The following TRIP12 variants were observed in gnomAD, a reference collection of about 807,000 sequenced individuals.
TRIP12 encodes E3 ubiquitin-protein ligase TRIP12.
TRIP12 carries 25 observed loss-of-function variants against 244.2 expected under a neutral mutation model. The ratio of observed to expected loss-of-function variants is 0.10; its 90% CI spans 0.07 to 0.14. TRIP12 has a LOEUF of 0.14. Ranked by LOEUF, TRIP12 falls within the 10% of genes least tolerant of loss-of-function variation. The pLI is 1.00. For synonymous variants in TRIP12, 905 were observed against 873.1 expected (o/e 1.04, Z -0.64); for missense variants, 1,677 against 2,486.4 (o/e 0.67, Z 6.92).
chr2:229,804,778 G>A (rs537102757), intron 18 of TRIP12, among the ~76,000 whole-genome samples: 2 of 152,316 alleles, frequency 1.3e-5, no homozygotes, highest in East Asian at 3.9e-4. Context: ...TTAGAACGCA[G>A]CCATGTACAT....
chr2:229,871,725 A>T (rs1012461905), intron 2 of TRIP12, among the ~76,000 whole-genome samples: 7 of 152,364 alleles, frequency 4.6e-5, no homozygotes, highest in African/African-American at 1.7e-4. Context: ...GAAGCCTAAT[A>T]TAATTTGAAA....
rs929201806 is a variant in TRIP12 at position 229,896,666 on chromosome 2, A to G, written c.-49-16538T>C. Among the ~76,000 whole-genome samples the G allele has an allele frequency of 2.6e-5, 4 of 152,332 alleles. No individual in the cohort carries two copies. In the South Asian group the frequency reaches 8.3e-4, roughly 32 times the overall value. ...TTATGAAGGCAACAAATCAGAAAAT[A>G]AAATGAAGTAAAACTCCATCTCTAG... On this transcript the variant is annotated intron_variant, in intron 1 of 41. Transcript: ENST00000675903.
At chr2:229,800,416 T>C in intron 21 of TRIP12, among the ~76,000 whole-genome samples, 1 of 151,908 alleles carries the variant, frequency 6.6e-6, no homozygotes, top group Admixed American at 6.6e-5. Context: ...CTGAAAAATG[T>C]TGTGGTTTAG....
chr2:229,773,681 C>A (rs1282963905), intron 38 of TRIP12: 1 of 158,902 alleles, frequency 6.3e-6, no homozygotes, highest in Non-Finnish European at 1.4e-5. Flanking sequence ...AGCCACTGCA[C>A]CTCGCCCATA....
At chr2:229,793,261 G>A in intron 26 of TRIP12, 116 bp from the exon 27 acceptor site, 2 of 1,000,448 alleles carry the variant, frequency 2.0e-6, no homozygotes, top group Non-Finnish European at 1.4e-6. Flanking sequence ...CTAGTACTAA[G>A]CATTTACTTA....
chr2:229,837,026 AC>A (rs770307065), intron 5 of TRIP12, 42 bp from the exon 6 acceptor site: 1 of 1,473,698 alleles, frequency 6.8e-7, no homozygotes, highest in East Asian at 2.6e-5. Flanking sequence ...TTACCAGTGA[AC>A]CAGGAGCAAT....
At position 229,867,171 on chromosome 2, in the gene TRIP12, G is replaced by GTTTTTTTT. The variant is rs11335613; in HGVS notation, c.99-6648_99-6641dup. 1.1e-4 allele frequency among the ~76,000 whole-genome samples: 14 copies of GTTTTTTTT among 123,534 alleles called. 1 individual carries two copies. The highest frequency in any genetic ancestry group is 2.7e-4 in the African/African-American group (9 of 33,452). The allele number at this position is 123,534 out of a possible 152,430, so 81.0% of individuals were successfully genotyped here. On this transcript the variant is annotated intron_variant, in intron 2 of 41. Transcript: ENST00000675903. Reference sequence around the variant, plus strand: ...AAGGTTTTTTTTTGTTTGTTTGTTTGTTTTTTTTTTTTGAGACAGATACTC... The same window carrying GTTTTTTTT: ...AAGGTTTTTTTTTGTTTGTTTGTTTGTTTTTTTTTTTTTTTTTTTTGAGACAGATACTC...
At chr2:229,777,049 T>C (rs1559328850) in intron 37 of TRIP12, among the ~76,000 whole-genome samples, 3 of 152,196 alleles carry the variant, frequency 2.0e-5, no homozygotes, top group Non-Finnish European at 4.4e-5. Flanking sequence ...ACATAATATG[T>C]CCATCTAAAA....
In TRIP12 at chr2:229,808,389, A is replaced by G; in HGVS notation, c.2222-20T>C. ...CAATGTCTGTAAAAACCAACAACAA[A>G]AAACAAAAGGCTATTAAACTAGTTA... is the stretch of plus-strand genomic sequence containing the variant. On this transcript the variant is annotated intron_variant, in intron 15 of 41. Transcript: ENST00000675903. The G allele has an allele frequency of 6.4e-7, 1 of 1,560,640 alleles. No individual in the cohort carries two copies. The highest frequency in any genetic ancestry group is 8.8e-7 in the Non-Finnish European group (1 of 1,136,484).
chr2:229,869,806 G>C (rs892420553), intron 2 of TRIP12, among the ~76,000 whole-genome samples: 2 of 152,148 alleles, frequency 1.3e-5, no homozygotes, highest in Non-Finnish European at 2.9e-5. Context: ...AAAAGGCTAA[G>C]AGTCAACACA....
intron 1 of TRIP12, among the ~76,000 whole-genome samples, chr2:229,912,119 G>C (rs2074399414): frequency 6.6e-6 from 1 of 152,218 alleles, no homozygotes; most frequent in South Asian, 2.1e-4. Flanking sequence ...GAAGACTTCT[G>C]TGTCCAACAG....
At chr2:229,787,698 G>A in intron 32 of TRIP12, 37 bp from the exon 33 acceptor site, 1 of 1,493,680 alleles carries the variant, frequency 6.7e-7, no homozygotes, top group Non-Finnish European at 9.0e-7. Context: ...TTATCTGGAT[G>A]AGAATCAGAA....
chr2:229,826,728 T>C (rs1254456804), intron 8 of TRIP12, among the ~76,000 whole-genome samples: 2 of 152,186 alleles, frequency 1.3e-5, no homozygotes, highest in African/African-American at 4.8e-5. Flanking sequence ...TACTGAATAC[T>C]ATAGGCAGTT....
At chr2:229,785,968 T>C in intron 33 of TRIP12, 113 bp from the exon 34 acceptor site, 2 of 907,322 alleles carry the variant, frequency 2.2e-6, no homozygotes, top group East Asian at 2.7e-5. Context: ...TTGTTAACAC[T>C]TATTTCCTTA....
chr2:229,895,791 C>T (rs936420387), intron 1 of TRIP12, among the ~76,000 whole-genome samples: 2 of 151,910 alleles, frequency 1.3e-5, no homozygotes, highest in Non-Finnish European at 2.9e-5. Context: ...TCCACAGATG[C>T]GAGGGACCTA....
At chr2:229,795,601 A>T (rs796555504) in intron 25 of TRIP12, among the ~76,000 whole-genome samples, 2 of 152,208 alleles carry the variant, frequency 1.3e-5, no homozygotes, top group African/African-American at 4.8e-5. Flanking sequence ...TGATCCAAAC[A>T]GACATAAGGC....
At chr2:229,773,010 G>A (rs2034995455) in intron 38 of TRIP12, among the ~76,000 whole-genome samples, 1 of 151,668 alleles carries the variant, frequency 6.6e-6, no homozygotes, top group African/African-American at 2.4e-5. Context: ...AATACAATTT[G>A]TGTTCAATAT....
At position 229,778,134 on chromosome 2, in the gene TRIP12, C is replaced by T. The variant is rs1036046700; in HGVS notation, c.5364+299G>A. The stretch of plus-strand genomic sequence containing the variant: ...GACTTTAAAAAATAAATAATTAATA[C>T]CACCTTAACTTGCCTGATTATCTGA... On this transcript the variant is annotated intron_variant, in intron 36 of 41. Coordinates refer to ENST00000675903, the MANE Select transcript of TRIP12 (RefSeq NM_001348323.3). The surrounding 1 kb of genome is among the most constrained non-coding windows in gnomAD (Gnocchi z 4.1). 1.3e-5 allele frequency among the ~76,000 whole-genome samples: 2 copies of T among 152,130 alleles called. No homozygotes were observed. The highest frequency in any genetic ancestry group is 4.8e-5 in the African/African-American group (2 of 41,442).
At chr2:229,869,060 T>C (rs918216682) in intron 2 of TRIP12, among the ~76,000 whole-genome samples, 1 of 152,230 alleles carries the variant, frequency 6.6e-6, no homozygotes, top group Non-Finnish European at 1.5e-5. Context: ...AATATCTGAA[T>C]GTGCAGGCAT....
Sources: allele counts gnomAD v4.1 joint callset (sites outside exome capture counted in the v4.1 genomes callset), GRCh38; gene constraint gnomAD v4.1.1; non-coding constraint Gnocchi (gnomAD v3.1); transcripts MANE v1.5; gene names NCBI Gene and HGNC (gene_info 2026-07-23, HGNC 2026-07-21).